The following RBFOX3 variants were observed in gnomAD, a reference collection of about 807,000 sequenced individuals.
The protein encoded by RBFOX3 is RNA binding protein fox-1 homolog 3.
A neutral mutation model predicts 48.7 loss-of-function variants in RBFOX3; 17 were observed. That is an observed-to-expected ratio of 0.35 (90% CI 0.24 to 0.52). The LOEUF (loss-of-function observed/expected upper bound fraction) is 0.52. Among genes scored for constraint, RBFOX3 ranks in the 20% least tolerant of loss-of-function variants. RBFOX3 has a pLI of 0.94. For missense variants in RBFOX3, 382 were observed against 497.5 expected, an observed-to-expected ratio of 0.77 and a Z score of 2.21; for synonymous variants, 212 against 209.5, an observed-to-expected ratio of 1.01 and a Z score of -0.10.
At chr17:79,522,053 G>T (rs1240185432) in intron 1 of RBFOX3, among the ~76,000 whole-genome samples, 2 of 152,156 alleles carry the variant, frequency 1.3e-5, no homozygotes, top group Non-Finnish European at 2.9e-5. Context: ...ACCAGTGCAG[G>T]CCACACTGGA....
At chr17:79,413,460 G>C (rs1598586696) in intron 2 of RBFOX3, among the ~76,000 whole-genome samples, 1 of 152,308 alleles carries the variant, frequency 6.6e-6, no homozygotes, top group East Asian at 1.9e-4. Flanking sequence ...GGCTACTGGG[G>C]CCCCCCACAA....
At chr17:79,156,117 C>T (rs923198536) in intron 4 of RBFOX3, among the ~76,000 whole-genome samples, 2 of 152,226 alleles carry the variant, frequency 1.3e-5, no homozygotes, top group South Asian at 2.1e-4. Flanking sequence ...TTGGGGGTGA[C>T]GGGGAAAAGG....
Position 79,190,522 on chromosome 17 carries a change from C to T in RBFOX3, c.-34+45244G>A, listed in dbSNP as rs191879756. Among the ~76,000 whole-genome samples, 23 of 152,128 alleles carry T rather than the reference C, an allele frequency of 1.5e-4. No individual in the cohort carries two copies. The East Asian group carries it at 4.1e-3, about 27-fold the overall frequency. The stretch of plus-strand genomic sequence containing the variant: ...AAGTGGCATCACGTCGCCCAGTCCC[C>T]GGCCTTCTAGCTGGCAGACACCAAA... On this transcript the variant is annotated intron_variant, in intron 4 of 14. Transcript: ENST00000693108.
Position 79,442,927 on chromosome 17 carries a change from A to G in RBFOX3, c.-175+39527T>C, listed in dbSNP as rs565802221. Among the ~76,000 whole-genome samples the G allele has an allele frequency of 1.2e-3, 184 of 152,264 alleles. 1 individual carries two copies. The highest frequency in any genetic ancestry group is 4.2e-3 in the African/African-American group (174 of 41,552). On this transcript the variant is annotated intron_variant, in intron 2 of 14. Coordinates refer to ENST00000693108, the MANE Select transcript of RBFOX3 (RefSeq NM_001350451.2). Reference sequence around the variant, plus strand: ...TGGTCTGAAGCTCCCCACAGCCACAATGGAAAATCTGACTGACTTGGCCTT... The same window carrying G: ...TGGTCTGAAGCTCCCCACAGCCACAGTGGAAAATCTGACTGACTTGGCCTT...
chr17:79,530,151 C>T (rs902236255), intron 1 of RBFOX3, among the ~76,000 whole-genome samples: 10 of 152,174 alleles, frequency 6.6e-5, no homozygotes, highest in African/African-American at 2.2e-4. Flanking sequence ...GAGGAGGAAT[C>T]GGCAAAGTGA....
At position 79,481,784 on chromosome 17, in the gene RBFOX3, G is replaced by C. The variant is rs1312764279; in HGVS notation, c.-175+670C>G. Among the ~76,000 whole-genome samples the C allele has an allele frequency of 6.6e-6, 1 of 152,108 alleles. No individual in the cohort carries two copies. Among genetic ancestry groups the C allele is most frequent in the East Asian group, 1.9e-4 (1 of 5,184 alleles). The stretch of plus-strand genomic sequence containing the variant: ...GTCATTTTTAGTGTAGTGCTTTTTT[G>C]TTGCTGTCGTTCTGTGAACTGTAGC... On this transcript the variant is annotated intron_variant, in intron 2 of 14. Coordinates refer to ENST00000693108, the MANE Select transcript of RBFOX3 (RefSeq NM_001350451.2). This position sits in a 1 kb window ranked among gnomAD's most constrained non-coding sequence, Gnocchi z 5.4.
chr17:79,533,971 T>C (rs1305702291), intron 1 of RBFOX3, among the ~76,000 whole-genome samples: 4 of 152,212 alleles, frequency 2.6e-5, no homozygotes, highest in African/African-American at 4.8e-5. Context: ...TACATTCCAT[T>C]TTGTAACTTT....
At chr17:79,328,267 C>T (rs975604479) in intron 2 of RBFOX3, among the ~76,000 whole-genome samples, 2 of 152,164 alleles carry the variant, frequency 1.3e-5, no homozygotes, top group African/African-American at 4.8e-5. Context: ...TAGAACCTTG[C>T]CCTAAGCCTC....
At chr17:79,522,015 G>A (rs2086181858) in intron 1 of RBFOX3, among the ~76,000 whole-genome samples, 1 of 152,188 alleles carries the variant, frequency 6.6e-6, no homozygotes, top group Non-Finnish European at 1.5e-5. Context: ...GCTGGTGACA[G>A]GCTGACCTTC....
chr17:79,657,710 C>G, the RBFOX3 span, among the ~76,000 whole-genome samples: 1 of 150,984 alleles, frequency 6.6e-6, no homozygotes, highest in African/African-American at 2.4e-5. Context: ...ACACCTGGAG[C>G]ACCCAACAGG....
chr17:79,584,102 A>G (rs909583086), intron 1 of RBFOX3, among the ~76,000 whole-genome samples: 16 of 152,212 alleles, frequency 1.1e-4, no homozygotes, highest in African/African-American at 2.4e-4. Context: ...GACAGTTCTC[A>G]AAAGAAGATA....
intron 5 of RBFOX3, among the ~76,000 whole-genome samples, chr17:79,112,220 G>A (rs567115986): frequency 1.4e-4 from 22 of 152,328 alleles, no homozygotes; most frequent in African/African-American, 4.3e-4. Flanking sequence ...ATCAGTGCAC[G>A]CTCCGCCTTC....
rs371125938 is a variant in RBFOX3, at chr17:79,411,837, C to CA, written c.-175+70616dup. 3.5e-3 allele frequency among the ~76,000 whole-genome samples: 530 copies of CA among 152,352 alleles called. 2 individuals carry two copies. Among genetic ancestry groups the CA allele is most frequent in the African/African-American group, 0.012 (508 of 41,582 alleles). ...GCTGAATGAATGAACAATGAAGGCTCATACTGGGGCCAATTAAATGGAAAA... is the reference window on the plus strand; with the variant it reads ...GCTGAATGAATGAACAATGAAGGCTCAATACTGGGGCCAATTAAATGGAAAA... On this transcript the variant is annotated intron_variant, in intron 2 of 14. Coordinates refer to ENST00000693108, the MANE Select transcript of RBFOX3 (RefSeq NM_001350451.2).
intron 2 of RBFOX3, among the ~76,000 whole-genome samples, chr17:79,375,750 G>A (rs1021488052): frequency 6.6e-6 from 1 of 152,180 alleles, no homozygotes; most frequent in African/African-American, 2.4e-5. Flanking sequence ...CCCCTCCTTT[G>A]AAAGGGGCCG....
intron 3 of RBFOX3, among the ~76,000 whole-genome samples, chr17:79,303,705 T>G (rs1175817045): frequency 1.3e-5 from 2 of 152,146 alleles, no homozygotes; most frequent in Non-Finnish European, 2.9e-5. Context: ...GATAAATAGA[T>G]GTGATTAATA....
intron 4 of RBFOX3, among the ~76,000 whole-genome samples, chr17:79,227,467 T>C (rs944747058): frequency 3.3e-5 from 5 of 152,166 alleles, no homozygotes; most frequent in African/African-American, 7.2e-5. Flanking sequence ...GTTTGGCTCC[T>C]TGTTGCATCT....
At chr17:79,257,908 AAAAT>A (rs1048070199) in intron 3 of RBFOX3, among the ~76,000 whole-genome samples, 2 of 152,076 alleles carry the variant, frequency 1.3e-5, no homozygotes, top group Non-Finnish European at 2.9e-5. Flanking sequence ...TTGGGAAAAA[AAAAT>A]AAAAAAATAA....
chr17:79,654,753 T>C, the RBFOX3 span, among the ~76,000 whole-genome samples: 1 of 152,204 alleles, frequency 6.6e-6, no homozygotes, highest in African/African-American at 2.4e-5. Context: ...TGCTATCTCA[T>C]TTGGAACATC....
At chr17:79,377,280 C>A (rs1247389690) in intron 2 of RBFOX3, among the ~76,000 whole-genome samples, 1 of 152,120 alleles carries the variant, frequency 6.6e-6, no homozygotes, top group Non-Finnish European at 1.5e-5. Context: ...GACATAATTA[C>A]ACAGAGACGC....
Sources: gnomAD v4.1 joint callset for allele counts (sites outside exome capture counted in the v4.1 genomes callset) on GRCh38, gnomAD v4.1.1 for gene constraint, Gnocchi (gnomAD v3.1) non-coding constraint, MANE v1.5 for transcripts, NCBI Gene and HGNC (gene_info 2026-07-23, HGNC 2026-07-21) for gene names.